Variants in PDE1A observed in about 807,000 individuals in gnomAD.
The protein encoded by PDE1A is dual specificity calcium/calmodulin-dependent 3',5'-cyclic nucleotide phosphodiesterase 1A.
PDE1A carries 35 observed loss-of-function variants against 61.7 expected under a neutral mutation model. The observed-to-expected ratio is 0.57, with a 90% CI of 0.43 to 0.75. PDE1A has a LOEUF of 0.75. PDE1A is among the 30% of genes least tolerant of loss of function. PDE1A has a pLI of 0.00. For missense variants in PDE1A, 597 were observed against 630.6 expected, an observed-to-expected ratio of 0.95 and a Z score of 0.57; for synonymous variants, 232 against 213.2, an observed-to-expected ratio of 1.09 and a Z score of -0.77.
At chr2:182,369,826 G>T (rs538622513) in intron 1 of PDE1A, among the ~76,000 whole-genome samples, 4 of 152,298 alleles carry the variant, frequency 2.6e-5, no homozygotes, top group Admixed American at 2.6e-4. Context: ...CAAATGGAAG[G>T]TTAGAGATAA....
intron 2 of PDE1A, among the ~76,000 whole-genome samples, chr2:182,442,754 T>G (rs896323183): frequency 6.6e-6 from 1 of 152,092 alleles, no homozygotes; most frequent in Non-Finnish European, 1.5e-5. Flanking sequence ...GTTGCAACTT[T>G]AATTTTTAAA....
intron 1 of PDE1A, among the ~76,000 whole-genome samples, chr2:182,287,287 C>A (rs1694228964): frequency 6.6e-6 from 1 of 152,082 alleles, no homozygotes; most frequent in Non-Finnish European, 1.5e-5. Context: ...CCCTGACAAC[C>A]CAGTCGAAAA....
intron 13 of PDE1A, among the ~76,000 whole-genome samples, chr2:182,176,978 T>C (rs779901598): frequency 0.011 from 1,715 of 150,314 alleles, 25 homozygotes; most frequent in Middle Eastern, 0.041. Flanking sequence ...GTTTATATGC[T>C]GGATTACATT....
the PDE1A span, among the ~76,000 whole-genome samples, chr2:182,627,387 T>C: frequency 8.3e-6 from 1 of 120,254 alleles, no homozygotes; most frequent in Non-Finnish European, 1.6e-5. Flanking sequence ...TTATATAATA[T>C]ATAATGTATA....
chr2:182,622,050 C>T, the PDE1A span, among the ~76,000 whole-genome samples: 1 of 152,150 alleles, frequency 6.6e-6, no homozygotes, highest in South Asian at 2.1e-4. Flanking sequence ...TCCAGATGTG[C>T]AAAATATGCC....
chr2:182,269,980 AG>A (rs1692903777), intron 1 of PDE1A, among the ~76,000 whole-genome samples: 1 of 152,090 alleles, frequency 6.6e-6, no homozygotes, highest in African/African-American at 2.4e-5. Context: ...TAGAATTCTA[AG>A]TTATATTATC....
the PDE1A span, among the ~76,000 whole-genome samples, chr2:182,583,919 A>G: frequency 6.6e-6 from 1 of 152,178 alleles, no homozygotes; most frequent in Admixed American, 6.5e-5. Context: ...AAAACTTGGA[A>G]CTCAAAATTA....
chr2:182,504,638 C>T (rs1369281784), intron 2 of PDE1A, among the ~76,000 whole-genome samples: 1 of 152,200 alleles, frequency 6.6e-6, no homozygotes, highest in Non-Finnish European at 1.5e-5. Context: ...TTATTAAGCA[C>T]ATATGATTAA....
the PDE1A span, among the ~76,000 whole-genome samples, chr2:182,611,394 A>C: frequency 6.6e-6 from 1 of 152,234 alleles, no homozygotes; most frequent in African/African-American, 2.4e-5. Context: ...TATATATGCC[A>C]AAAAGGTAGC....
intron 1 of PDE1A, among the ~76,000 whole-genome samples, chr2:182,362,933 GA>G (rs1383721082): frequency 6.6e-6 from 1 of 152,044 alleles, no homozygotes; most frequent in Non-Finnish European, 1.5e-5. Context: ...GATGGGCCTG[GA>G]GACCATTATC....
At chr2:182,658,120 G>A in the PDE1A span, among the ~76,000 whole-genome samples, 1 of 148,224 alleles carries the variant, frequency 6.7e-6, no homozygotes, top group East Asian at 2.0e-4. Context: ...GTTTCCTAGG[G>A]CTGCCATAAC....
chr2:182,160,103 A>G (rs1202568755), intron 13 of PDE1A, among the ~76,000 whole-genome samples: 1 of 152,244 alleles, frequency 6.6e-6, no homozygotes, highest in East Asian at 1.9e-4. Context: ...AAAAAAGATT[A>G]AATCAATTGT....
chr2:182,253,683 G>A (rs1170534623), intron 2 of PDE1A, among the ~76,000 whole-genome samples: 2 of 152,176 alleles, frequency 1.3e-5, no homozygotes, highest in South Asian at 2.1e-4. Context: ...GGCTGATGTT[G>A]GTGTCCCCTG....
chr2:182,295,221 C>T (rs919165555), intron 1 of PDE1A, among the ~76,000 whole-genome samples: 77 of 151,352 alleles, frequency 5.1e-4, no homozygotes, highest in African/African-American at 1.8e-3. Context: ...ACTACAGGCG[C>T]CCACCACCGC....
the PDE1A span, among the ~76,000 whole-genome samples, chr2:182,549,362 A>C: frequency 6.6e-6 from 1 of 152,136 alleles, no homozygotes. Flanking sequence ...AAAGGCACAA[A>C]ACCAATAATT....
Position 182,242,943 on chromosome 2 carries a change from G to GTGTGTGTGTGTT in PDE1A, c.168-2652_168-2651insAACACACACACA, listed in dbSNP as rs71008214. 7.2e-3 allele frequency among the ~76,000 whole-genome samples: 992 copies of GTGTGTGTGTGTT among 137,472 alleles called. 14 individuals are homozygous for GTGTGTGTGTGTT. The highest frequency in any genetic ancestry group is 0.017 in the African/African-American group (612 of 36,746). 90.2% of individuals were successfully genotyped at this position (137,472 alleles called of 152,430 possible). A position where few individuals can be genotyped will look rare whatever the true frequency, so the allele number is the denominator to read the frequency against. On this transcript the variant is annotated intron_variant, in intron 2 of 13. Transcript: ENST00000351439. Reference sequence around the variant, plus strand: ...CTCTCTCTCGTGTGTGTATGTGTGTGTGTGTGTTGTGTAGCTGTTGGTTTG... The same window carrying GTGTGTGTGTGTT: ...CTCTCTCTCGTGTGTGTATGTGTGTGTGTGTGTGTGTTTGTGTGTTGTGTAGCTGTTGGTTTG...
the PDE1A span, among the ~76,000 whole-genome samples, chr2:182,617,979 T>G: frequency 6.6e-6 from 1 of 152,210 alleles, no homozygotes; most frequent in East Asian, 1.9e-4. Flanking sequence ...TCATACATCC[T>G]TGATAGAACT....
At chr2:182,509,196 C>T (rs965195303) in intron 2 of PDE1A, among the ~76,000 whole-genome samples, 2 of 152,126 alleles carry the variant, frequency 1.3e-5, no homozygotes, top group African/African-American at 2.4e-5. Flanking sequence ...CGCAAAGGTC[C>T]AAGCTCTAAG....
chr2:182,666,408 A>G, the PDE1A span, among the ~76,000 whole-genome samples: 107,156 of 151,844 alleles, frequency 0.71, 38,287 homozygotes, highest in Middle Eastern at 0.79. Context: ...ACCTGAGATC[A>G]GGAGTTCGAG....
Sources: allele counts gnomAD v4.1 joint callset (sites outside exome capture counted in the v4.1 genomes callset), GRCh38; gene constraint gnomAD v4.1.1; transcripts MANE v1.5; gene names NCBI Gene and HGNC (gene_info 2026-07-23, HGNC 2026-07-21).